The following MDGA2 variants were observed in gnomAD, a reference collection of about 807,000 sequenced individuals.
MDGA2 encodes MAM domain-containing glycosylphosphatidylinositol anchor protein 2.
MDGA2 carries 40 observed loss-of-function variants against 117.8 expected under a neutral mutation model. The ratio of observed to expected loss-of-function variants is 0.34; its 90% CI spans 0.26 to 0.44. The LOEUF (loss-of-function observed/expected upper bound fraction) is 0.44, where lower values mean the gene tolerates loss of function less well. Ranked by LOEUF, MDGA2 falls within the 20% of genes least tolerant of loss-of-function variation. The pLI is 1.00. For missense variants in MDGA2, 1,123 were observed against 1,250.6 expected (o/e 0.90, Z 1.54); for synonymous variants, 452 against 439.0 (o/e 1.03, Z -0.37).
chr14:46,967,318 C>T (rs1886075456), intron 8 of MDGA2, among the ~76,000 whole-genome samples: 1 of 152,162 alleles, frequency 6.6e-6, no homozygotes, highest in Admixed American at 6.5e-5. Context: ...TCTCGAGCCA[C>T]ATCTTCCCAA....
intron 1 of MDGA2, among the ~76,000 whole-genome samples, chr14:47,584,963 T>C (rs1316775618): frequency 6.6e-6 from 1 of 151,824 alleles, no homozygotes; most frequent in African/African-American, 2.4e-5. Flanking sequence ...AATAAAGCTT[T>C]TTCTGAATCC....
At chr14:47,130,339 T>C (rs1362886388) in intron 5 of MDGA2, among the ~76,000 whole-genome samples, 3 of 152,178 alleles carry the variant, frequency 2.0e-5, no homozygotes, top group Non-Finnish European at 2.9e-5. Context: ...GCACCATTTA[T>C]TAAATAGGGA....
At chr14:47,239,881 T>C (rs1256004112) in intron 2 of MDGA2, among the ~76,000 whole-genome samples, 1 of 151,754 alleles carries the variant, frequency 6.6e-6, no homozygotes, top group Non-Finnish European at 1.5e-5. Flanking sequence ...AGGCATACAT[T>C]TTTTTCCCAG....
chr14:47,484,923 T>C (rs1214640305), intron 1 of MDGA2, among the ~76,000 whole-genome samples: 2 of 152,116 alleles, frequency 1.3e-5, no homozygotes, highest in Non-Finnish European at 1.5e-5. Context: ...TTAAGCCTCT[T>C]ATTATTTTTT....
At chr14:47,627,473 T>G (rs1198970645) in intron 1 of MDGA2, among the ~76,000 whole-genome samples, 1 of 152,092 alleles carries the variant, frequency 6.6e-6, no homozygotes, top group African/African-American at 2.4e-5. Flanking sequence ...CCAATCGCAC[T>G]CTGTGTCTAG....
chr14:47,616,754 T>C (rs904353042), intron 1 of MDGA2, among the ~76,000 whole-genome samples: 1 of 152,202 alleles, frequency 6.6e-6, no homozygotes, highest in Admixed American at 6.5e-5. Flanking sequence ...TCCATATTTG[T>C]ATGAGCTCAT....
chr14:47,466,970 G>A (rs1046088640), intron 1 of MDGA2, among the ~76,000 whole-genome samples: 2 of 152,006 alleles, frequency 1.3e-5, no homozygotes, highest in African/African-American at 4.8e-5. Flanking sequence ...ATTACTTCTA[G>A]AAAAAACAAG....
At chr14:47,139,401 C>T (rs528659632) in intron 4 of MDGA2, among the ~76,000 whole-genome samples, 9 of 152,120 alleles carry the variant, frequency 5.9e-5, no homozygotes, top group Non-Finnish European at 7.4e-5. Flanking sequence ...ATTTAGACAA[C>T]GATTTTTATT....
intron 1 of MDGA2, among the ~76,000 whole-genome samples, chr14:47,331,885 C>T (rs183498687): frequency 1.8e-4 from 27 of 152,032 alleles, no homozygotes; most frequent in Admixed American, 1.5e-3. Flanking sequence ...TGTCCACTTG[C>T]ATGTTTTTCT....
intron 3 of MDGA2, chr14:47,200,863 G>T: frequency 1.2e-6 from 1 of 849,624 alleles, no homozygotes; most frequent in Non-Finnish European, 2.0e-6. Flanking sequence ...AGGGCGGTGG[G>T]ATGCCGTCAA....
At chr14:47,611,277 C>A (rs1235027856) in intron 1 of MDGA2, among the ~76,000 whole-genome samples, 2 of 151,996 alleles carry the variant, frequency 1.3e-5, no homozygotes, top group African/African-American at 2.4e-5. Flanking sequence ...ATTGGAAAAA[C>A]CCTTCTAAAC....
intron 8 of MDGA2, among the ~76,000 whole-genome samples, chr14:46,979,216 C>T (rs565942165): frequency 8.6e-5 from 13 of 152,038 alleles, no homozygotes; most frequent in East Asian, 1.9e-4. Flanking sequence ...CCGGGAACTG[C>T]GCACATATGA....
chr14:47,641,058 C>T (rs1168970469), intron 1 of MDGA2, among the ~76,000 whole-genome samples: 2 of 151,922 alleles, frequency 1.3e-5, no homozygotes, highest in African/African-American at 4.8e-5. Context: ...CAATATTCAT[C>T]TTCTTCCCAG....
At chr14:47,079,265 C>T (rs1419052770) in intron 6 of MDGA2, among the ~76,000 whole-genome samples, 2 of 152,032 alleles carry the variant, frequency 1.3e-5, no homozygotes, top group Admixed American at 6.6e-5. Flanking sequence ...TTGAGAGATC[C>T]ACAACTACTC....
chr14:47,350,817 A>G (rs1890861975), intron 1 of MDGA2, among the ~76,000 whole-genome samples: 1 of 152,244 alleles, frequency 6.6e-6, no homozygotes, highest in Non-Finnish European at 1.5e-5. Flanking sequence ...AAGTTTCAAT[A>G]AAAGACAAGG....
chr14:47,203,285 A>T (rs1885574013), intron 3 of MDGA2, among the ~76,000 whole-genome samples: 1 of 151,908 alleles, frequency 6.6e-6, no homozygotes, highest in Non-Finnish European at 1.5e-5. Context: ...GGGAGGGCCT[A>T]TCGGGGCTTA....
chr14:47,639,173 G>A (rs2416097), intron 1 of MDGA2, among the ~76,000 whole-genome samples: 10,259 of 152,100 alleles, frequency 0.067, 1,142 homozygotes, highest in African/African-American at 0.23. Context: ...CCTGATATGC[G>A]TGAGTATAAA....
chr14:47,091,062 A>G (rs543829968), intron 6 of MDGA2, among the ~76,000 whole-genome samples: 2 of 152,310 alleles, frequency 1.3e-5, no homozygotes, highest in Non-Finnish European at 2.9e-5. Flanking sequence ...GCAATGAATA[A>G]TCAGAACAAT....
intron 6 of MDGA2, among the ~76,000 whole-genome samples, chr14:47,072,841 T>C (rs1380736971): frequency 6.6e-6 from 1 of 152,170 alleles, no homozygotes; most frequent in East Asian, 1.9e-4. Context: ...ATTGAGATAT[T>C]AAGGCACAAA....
Sources: allele counts gnomAD v4.1 joint callset (sites outside exome capture counted in the v4.1 genomes callset), GRCh38; gene constraint gnomAD v4.1.1; transcripts MANE v1.5; gene names NCBI Gene and HGNC (gene_info 2026-07-23, HGNC 2026-07-21).